Variants in TCN2 observed in about 807,000 individuals in gnomAD.
TCN2 encodes the protein transcobalamin 2.
TCN2 carries 34 observed loss-of-function variants against 48.6 expected under a neutral mutation model. The observed-to-expected ratio is 0.70, with a 90% CI of 0.53 to 0.93. The LOEUF (loss-of-function observed/expected upper bound fraction) is 0.93. Ranked by LOEUF, TCN2 falls within the 40% of genes least tolerant of loss-of-function variation. TCN2 has a pLI of 0.00. For synonymous variants in TCN2, 283 were observed against 212.5 expected, an observed-to-expected ratio of 1.33 and a Z score of -2.89; for missense variants, 652 against 526.1, an observed-to-expected ratio of 1.24 and a Z score of -2.34.
At chr22:30,624,080 A>ATATTTT (rs1384095160) in intron 8 of TCN2, among the ~76,000 whole-genome samples, 1 of 41,348 alleles carries the variant, frequency 2.4e-5, no homozygotes, top group Non-Finnish European at 4.0e-5. Context: ...ATATATATAT[A>ATATTTT]TTTTTTTTTT....
At chr22:30,624,695 C>T (rs917359910) in intron 8 of TCN2, among the ~76,000 whole-genome samples, 1 of 152,166 alleles carries the variant, frequency 6.6e-6, no homozygotes, top group African/African-American at 2.4e-5. Context: ...TAGCCTCTAT[C>T]TCCTTCCCCC....
Position 30,607,235 on chromosome 22 carries a change from C to A in TCN2, c.-97C>A. 1 of 1,317,046 alleles carries A rather than the reference C, an allele frequency of 7.6e-7. No homozygotes were observed. The highest frequency in any genetic ancestry group is 1.1e-6 in the Non-Finnish European group (1 of 912,646). The allele number at this position is 1,317,046 out of a possible 1,614,324, so 81.6% of individuals were successfully genotyped here. A position where few individuals can be genotyped will look rare whatever the true frequency, so the allele number is the denominator to read the frequency against. On this transcript the variant is annotated 5_prime_UTR_variant, in exon 1 of 9. Transcript: ENST00000215838. ...ATCAGTGACAGGAAGCTGCGTCTCT[C>A]GGAGCGGTGACCAGCTGTGGTCAGG...
In TCN2 at chr22:30,607,385, T is replaced by C. The variant is rs1288298673; in HGVS notation, c.54T>C (p.Thr18=). The C allele has an allele frequency of 6.2e-7, 1 of 1,613,970 alleles. No homozygotes were observed. Among genetic ancestry groups the C allele is most frequent in the South Asian group, 1.1e-5 (1 of 91,086 alleles). Residue 18 remains threonine (T), a synonymous_variant, in exon 1 of 9, where the codon ACT becomes ACC. Coordinates refer to ENST00000215838, the MANE Select transcript of TCN2 (RefSeq NM_000355.4). ...TTCTGGGGGTCCTGGGGGCCCTCAC[T>C]GAGATGTGTGGTGAGTAACTCGCCT... The part of the protein sequence containing the change: ...LFLLGVLGAL[T]EMCEIPEMDS...
Position 30,607,240 on chromosome 22 carries a change from C to A in TCN2, c.-92C>A. On this transcript the variant is annotated 5_prime_UTR_variant, in exon 1 of 9. Transcript: ENST00000215838. ...TGACAGGAAGCTGCGTCTCTCGGAG[C>A]GGTGACCAGCTGTGGTCAGGAGAGC... 7.5e-7 allele frequency: 1 copy of A among 1,338,628 alleles called. No individual in the cohort carries two copies. Among genetic ancestry groups the A allele is most frequent in the Non-Finnish European group, 1.1e-6 (1 of 930,362 alleles). The allele number at this position is 1,338,628 out of a possible 1,614,324, so 82.9% of individuals were successfully genotyped here.
Position 30,627,076 on chromosome 22 carries a change from C to G in TCN2, c.*555C>G, listed in dbSNP as rs1738928338. On this transcript the variant is annotated 3_prime_UTR_variant, in exon 9 of 9. Transcript: ENST00000215838. The stretch of plus-strand genomic sequence containing the variant: ...GTGGACCTGCTACAGTGGCCTGGTG[C>G]CTCATACTCCTCAGGTGCAGGGGCA... 1 of 175,272 alleles carries G rather than the reference C, an allele frequency of 5.7e-6. No homozygotes were observed. Among genetic ancestry groups the G allele is most frequent in the African/African-American group, 2.4e-5 (1 of 42,248 alleles). The allele number at this position is 175,272 out of a possible 1,614,324, so 10.9% of individuals were successfully genotyped here. A position where few individuals can be genotyped will look rare whatever the true frequency, so the allele number is the denominator to read the frequency against.
chr22:30,609,138 C>T (rs929038626), intron 1 of TCN2, among the ~76,000 whole-genome samples: 6 of 151,582 alleles, frequency 4.0e-5, no homozygotes, highest in Non-Finnish European at 8.8e-5. Context: ...GGCTCCTGTG[C>T]TTCCTTTTCT....
intron 8 of TCN2, among the ~76,000 whole-genome samples, chr22:30,625,893 A>G (rs1158404676): frequency 6.6e-6 from 1 of 152,198 alleles, no homozygotes; most frequent in African/African-American, 2.4e-5. Context: ...TTGGGGGGAC[A>G]CAGACATTTT....
intron 8 of TCN2, among the ~76,000 whole-genome samples, chr22:30,624,733 G>A (rs774728469): frequency 2.6e-5 from 4 of 152,098 alleles, no homozygotes; most frequent in Non-Finnish European, 2.9e-5. Context: ...AAGGAAGCCC[G>A]CTCCCAGGAG....
intron 2 of TCN2, among the ~76,000 whole-genome samples, chr22:30,611,557 G>C (rs1014797313): frequency 2.0e-5 from 3 of 152,242 alleles, no homozygotes. Context: ...GCCCAGGCTA[G>C]AGTGCAGTGG....
At chr22:30,610,478 C>T (rs2087520209) in intron 1 of TCN2, 1 of 377,202 alleles carries the variant, frequency 2.7e-6, no homozygotes, top group Non-Finnish European at 5.1e-6. Context: ...CTTTGAACTT[C>T]TGTTTCCTCT....
chr22:30,622,051 G>A (rs1219120778), intron 7 of TCN2, among the ~76,000 whole-genome samples: 3 of 152,206 alleles, frequency 2.0e-5, no homozygotes, highest in South Asian at 2.1e-4. Flanking sequence ...ACAATGGTAC[G>A]ATCTCAGCTC....
chr22:30,608,174 C>T (rs559504393), intron 1 of TCN2, among the ~76,000 whole-genome samples: 3 of 152,276 alleles, frequency 2.0e-5, no homozygotes, highest in East Asian at 3.9e-4. Context: ...CGCGCCTTTT[C>T]TCCTCCTCTG....
Position 30,607,275 on chromosome 22 carries a change from G to T in TCN2, c.-57G>T. 1.2e-6 allele frequency: 2 copies of T among 1,602,382 alleles called. No homozygotes were observed. The highest frequency in any genetic ancestry group is 1.7e-6 in the Non-Finnish European group (2 of 1,169,560). On this transcript the variant is annotated 5_prime_UTR_variant, in exon 1 of 9. Coordinates refer to ENST00000215838, the MANE Select transcript of TCN2 (RefSeq NM_000355.4). ...CTGTGGTCAGGAGAGCCTCAGCAGG[G>T]CCAGCCCCAGGAGTCTTTCCCGATT...
chr22:30,617,761 A>G, intron 7 of TCN2: 1 of 498,614 alleles, frequency 2.0e-6, no homozygotes, highest in East Asian at 3.8e-5. Flanking sequence ...CCAGGTAGGC[A>G]CCCACAATTC....
rs1365708322 is a variant in TCN2, at chr22:30,610,893, T to C, written c.87T>C (p.His29=). 4 of 1,614,086 alleles carry C rather than the reference T, an allele frequency of 2.5e-6. No individual in the cohort carries two copies. Among genetic ancestry groups the C allele is most frequent in the Non-Finnish European group, 3.4e-6 (4 of 1,180,046 alleles). Residue 29 remains histidine (H), a synonymous_variant, in exon 2 of 9, where the codon CAT becomes CAC. Coordinates refer to ENST00000215838, the MANE Select transcript of TCN2 (RefSeq NM_000355.4). ...AAGAAATACCAGAGATGGACAGCCA[T>C]CTGGTAGAGAAGTTGGGCCAGCACC... ...EMCEIPEMDS[H]LVEKLGQHLL...
intron 8 of TCN2, among the ~76,000 whole-genome samples, chr22:30,626,108 T>G (rs72558391): frequency 0.044 from 6,641 of 152,120 alleles, 330 homozygotes; most frequent in East Asian, 0.25. Context: ...AGAGCCTGGA[T>G]TCTGTGTAGT....
chr22:30,617,376 C>G lies in TCN2; in HGVS notation c.987C>G (p.Ile329Met), dbSNP rs755892011. ...AAETIPQTQEIISVTLQVLSL... is the reference protein window; with the variant it reads ...AAETIPQTQEMISVTLQVLSL... ...AGACCATTCCTCAGACCCAAGAGAT[C>G]ATCAGTGTCACGCTGCAGGTGCTTA... The change falls in exon 7 of 9, where the codon ATC becomes ATG. Residue 329 changes from isoleucine (I) to methionine (M), a missense_variant. Transcript: ENST00000215838. The G allele has an allele frequency of 4.3e-6, 7 of 1,614,060 alleles. No homozygotes were observed. Among genetic ancestry groups the G allele is most frequent in the African/African-American group, 1.3e-5 (1 of 74,910 alleles).
Position 30,614,475 on chromosome 22 carries a change from C to T in TCN2, c.554C>T (p.Pro185Leu), listed in dbSNP as rs146009793. 4.2e-4 allele frequency: 684 copies of T among 1,614,168 alleles called. 5 individuals are homozygous for T. The African/African-American group carries it at 6.3e-3, about 15-fold the overall frequency. Residue 185 changes from proline (P) to leucine (L), a missense_variant, in exon 4 of 9, where the codon CCT becomes CTT. By Grantham distance (98) the Pro-to-Leu change is moderately conservative (BLOSUM62 -3). Transcript: ENST00000215838. Reference protein sequence around the residue: ...VVDKLLYAVEPFHQGHHSVDT... With the variant: ...VVDKLLYAVELFHQGHHSVDT... Reference sequence around the variant, plus strand: ...GACAAACTTCTGTATGCTGTGGAACCTTTCCACCAGGGCCACCATTCTGTG... The same window carrying T: ...GACAAACTTCTGTATGCTGTGGAACTTTTCCACCAGGGCCACCATTCTGTG...
chr22:30,611,172 T>G (rs909576924), intron 2 of TCN2, 109 bp downstream of exon 2: 2 of 1,351,394 alleles, frequency 1.5e-6, no homozygotes, highest in South Asian at 1.2e-5. Flanking sequence ...TTAGGCAAAT[T>G]TTCTCCATCT....
Sources: allele counts gnomAD v4.1 joint callset (sites outside exome capture counted in the v4.1 genomes callset), GRCh38; gene constraint gnomAD v4.1.1; transcripts MANE v1.5; gene names NCBI Gene and HGNC (gene_info 2026-07-23, HGNC 2026-07-21).